The following LYPD6 variants were observed in gnomAD, a reference collection of about 807,000 sequenced individuals.
LYPD6 encodes LY6/PLAUR domain containing 6, also known as ly6/PLAUR domain-containing protein 6.
Under a neutral mutation model 22.7 loss-of-function variants are expected in LYPD6, and 15 were observed. That is an observed-to-expected ratio of 0.66 (90% CI 0.44 to 1.02). The LOEUF is 1.02. Ranked by LOEUF, LYPD6 falls within the 50% of genes least tolerant of loss-of-function variation. LYPD6 has a pLI of 0.00. For synonymous variants in LYPD6, 72 were observed against 77.5 expected, an observed-to-expected ratio of 0.93 and a Z score of 0.37; for missense variants, 189 against 208.4, an observed-to-expected ratio of 0.91 and a Z score of 0.57.
intron 2 of LYPD6, among the ~76,000 whole-genome samples, chr2:149,445,781 A>T (rs1294716360): frequency 1.3e-5 from 2 of 152,208 alleles, no homozygotes; most frequent in African/African-American, 4.8e-5. Flanking sequence ...CTTTCTCTGT[A>T]TCAGCAAAAA....
intron 2 of LYPD6, among the ~76,000 whole-genome samples, chr2:149,439,607 G>A (rs958404786): frequency 6.6e-6 from 1 of 152,152 alleles, no homozygotes; most frequent in African/African-American, 2.4e-5. Context: ...GAGAATTAAG[G>A]TGACTGGATT....
At chr2:149,468,603 G>T in intron 3 of LYPD6, 42 bp from the exon 4 acceptor site, 1 of 1,597,866 alleles carries the variant, frequency 6.3e-7, no homozygotes. Context: ...AGGCAGGTTT[G>T]GTCAACATTT....
intron 1 of LYPD6, among the ~76,000 whole-genome samples, chr2:149,332,822 C>T (rs1249960190): frequency 2.0e-5 from 3 of 152,136 alleles, no homozygotes; most frequent in Non-Finnish European, 2.9e-5. Flanking sequence ...AAGGTGAGGG[C>T]TGATAAAGAA....
intron 1 of LYPD6, among the ~76,000 whole-genome samples, chr2:149,363,273 C>G (rs1487719306): frequency 6.6e-6 from 1 of 152,142 alleles, no homozygotes; most frequent in Non-Finnish European, 1.5e-5. Context: ...TTTATTGAAC[C>G]TTTTGCTGTG....
At chr2:149,383,774 C>G (rs1376403144) in intron 1 of LYPD6, among the ~76,000 whole-genome samples, 1 of 152,158 alleles carries the variant, frequency 6.6e-6, no homozygotes, top group Non-Finnish European at 1.5e-5. Context: ...TTCCTAGTAA[C>G]TGATGATATG....
At chr2:149,480,311 C>T in the LYPD6 span, among the ~76,000 whole-genome samples, 2 of 152,082 alleles carry the variant, frequency 1.3e-5, no homozygotes, top group African/African-American at 4.8e-5. Flanking sequence ...CGCCTGGCCT[C>T]TGCTTTTCTT....
chr2:149,414,614 C>A (rs994423294), intron 1 of LYPD6, among the ~76,000 whole-genome samples: 2 of 152,172 alleles, frequency 1.3e-5, no homozygotes, highest in Non-Finnish European at 2.9e-5. Flanking sequence ...TTATACAAAT[C>A]TGAACCTTCA....
In LYPD6 at chr2:149,460,280, A is replaced by G. The variant is rs551741020; in HGVS notation, c.218-8365A>G. 9.2e-5 allele frequency among the ~76,000 whole-genome samples: 14 copies of G among 152,308 alleles called. No individual in the cohort carries two copies. The South Asian group carries it at 2.9e-3, about 32-fold the overall frequency. On this transcript the variant is annotated intron_variant, in intron 3 of 4. Coordinates refer to ENST00000334166, the MANE Select transcript of LYPD6 (RefSeq NM_194317.5). ...ATGACCCAAATATATGTCATCTGTA[A>G]TAAATTTACTTCAAAATAATTATAT...
Position 149,470,897 on chromosome 2 carries a change from T to C in LYPD6, c.*47T>C. The C allele has an allele frequency of 6.4e-7, 1 of 1,556,462 alleles. No individual in the cohort carries two copies. The highest frequency in any genetic ancestry group is 1.7e-4 in the Middle Eastern group (1 of 5,832). ...TAATAGCGATCCATGGGGATCTCGA[T>C]GGTCCACAGACCTGCATGAGTCATT... On this transcript the variant is annotated 3_prime_UTR_variant, in exon 5 of 5. Coordinates refer to ENST00000334166, the MANE Select transcript of LYPD6 (RefSeq NM_194317.5).
At chr2:149,379,037 A>C (rs1410959773) in intron 1 of LYPD6, among the ~76,000 whole-genome samples, 1 of 152,230 alleles carries the variant, frequency 6.6e-6, no homozygotes, top group Non-Finnish European at 1.5e-5. Context: ...CTATTTGAAG[A>C]AGTTATGAAT....
chr2:149,365,253 C>T (rs1042228823), intron 1 of LYPD6, among the ~76,000 whole-genome samples: 4 of 152,186 alleles, frequency 2.6e-5, no homozygotes, highest in Non-Finnish European at 5.9e-5. Context: ...GGCAAAGCAC[C>T]TCATGAATAC....
At chr2:149,372,243 C>G (rs1336430159) in intron 1 of LYPD6, among the ~76,000 whole-genome samples, 1 of 152,108 alleles carries the variant, frequency 6.6e-6, no homozygotes, top group Non-Finnish European at 1.5e-5. Context: ...CTAATACTTG[C>G]GATACAACTC....
At chr2:149,405,117 G>T (rs1682667331) in intron 1 of LYPD6, among the ~76,000 whole-genome samples, 1 of 151,794 alleles carries the variant, frequency 6.6e-6, no homozygotes, top group Non-Finnish European at 1.5e-5. Flanking sequence ...TTTTTGATGT[G>T]CTGTTGGATT....
chr2:149,406,441 G>T (rs1339373126), intron 1 of LYPD6, among the ~76,000 whole-genome samples: 2 of 151,452 alleles, frequency 1.3e-5, no homozygotes, highest in African/African-American at 2.4e-5. Context: ...TATATATTTA[G>T]GATAGTTAGC....
At chr2:149,418,640 T>G (rs1274716240) in intron 1 of LYPD6, among the ~76,000 whole-genome samples, 1 of 151,812 alleles carries the variant, frequency 6.6e-6, no homozygotes, top group African/African-American at 2.4e-5. Context: ...CCCATTGACT[T>G]TAATAGCTTG....
downstream of LYPD6, among the ~76,000 whole-genome samples, chr2:149,475,127 C>T (rs1191728242): frequency 3.3e-5 from 5 of 152,166 alleles, no homozygotes; most frequent in African/African-American, 7.2e-5. Flanking sequence ...TTAGGGCATG[C>T]GAGCTCTATA....
chr2:149,350,436 A>G (rs1035533223), intron 1 of LYPD6, among the ~76,000 whole-genome samples: 7 of 152,162 alleles, frequency 4.6e-5, no homozygotes, highest in Admixed American at 4.6e-4. Flanking sequence ...TTGGGTTTCA[A>G]GGAGGTTCAG....
intron 3 of LYPD6, among the ~76,000 whole-genome samples, chr2:149,456,922 C>T (rs1252350553): frequency 6.6e-6 from 1 of 152,148 alleles, no homozygotes; most frequent in Non-Finnish European, 1.5e-5. Context: ...ACTTCTTTCA[C>T]TCAATATTAT....
intron 1 of LYPD6, among the ~76,000 whole-genome samples, chr2:149,395,361 A>AG (rs1359066741): frequency 6.6e-5 from 10 of 152,312 alleles, no homozygotes; most frequent in Non-Finnish European, 1.3e-4. Context: ...ATTTGATATT[A>AG]CCTAAAAATG....
Sources: gnomAD v4.1 joint callset for allele counts (sites outside exome capture counted in the v4.1 genomes callset) on GRCh38, gnomAD v4.1.1 for gene constraint, MANE v1.5 for transcripts, NCBI Gene and HGNC (gene_info 2026-07-23, HGNC 2026-07-21) for gene names.